The following WDFY3 variants were observed in gnomAD, a reference collection of about 807,000 sequenced individuals.
WDFY3 encodes the protein WD repeat and FYVE domain containing 3.
A neutral mutation model predicts 409.6 loss-of-function variants in WDFY3; 66 were observed. That is an observed-to-expected ratio of 0.16 (90% confidence interval 0.13 to 0.20). The LOEUF is 0.20. Among genes scored for constraint, WDFY3 ranks in the 10% least tolerant of loss-of-function variants. The probability of loss-of-function intolerance (pLI) is 1.00; values close to 1 mark genes in which losing one functional copy is unlikely to be tolerated. For missense variants in WDFY3, 3,031 were observed against 4,298.1 expected (o/e 0.71, Z 8.24); for synonymous variants, 1,521 against 1,537.1 (o/e 0.99, Z 0.25).
In WDFY3 at chr4:84,885,161, T is replaced by G. The variant is rs972824667; in HGVS notation, c.-32+11750A>C. On this transcript the variant is annotated intron_variant, in intron 3 of 67. Coordinates refer to ENST00000295888, the MANE Select transcript of WDFY3 (RefSeq NM_014991.6). The stretch of plus-strand genomic sequence containing the variant: ...GATTACAGGCGTGCACCACCATGCC[T>G]GGCTAATTTTTTTTTGTATTTTTGT... Among the ~76,000 whole-genome samples, 3 of 151,968 alleles carry G rather than the reference T, an allele frequency of 2.0e-5. No individual in the cohort carries two copies. In the South Asian group the frequency reaches 6.2e-4, roughly 32 times the overall value.
At chr4:84,873,780 T>TG (rs1553999449) in intron 3 of WDFY3, among the ~76,000 whole-genome samples, 5 of 151,110 alleles carry the variant, frequency 3.3e-5, no homozygotes, top group African/African-American at 1.2e-4. Context: ...TGTGTTTTTT[T>TG]TTTGTTTGTT....
chr4:84,949,861 A>C (rs757684885), intron 1 of WDFY3, among the ~76,000 whole-genome samples: 1 of 152,232 alleles, frequency 6.6e-6, no homozygotes, highest in Non-Finnish European at 1.5e-5. Context: ...GAACTGCAGT[A>C]AGAACAAGTG....
At chr4:84,885,079 C>T (rs1449759212) in intron 3 of WDFY3, among the ~76,000 whole-genome samples, 1 of 152,138 alleles carries the variant, frequency 6.6e-6, no homozygotes, top group African/African-American at 2.4e-5. Context: ...CAGCTCACTG[C>T]ACCCTCCGCC....
At chr4:84,678,872 C>CT in intron 65 of WDFY3, 47 bp downstream of exon 65, 1 of 1,555,794 alleles carries the variant, frequency 6.4e-7, no homozygotes, top group East Asian at 2.3e-5. Context: ...CACCAACCCT[C>CT]ACACCACATA....
chr4:84,839,681 A>C (rs922590186), intron 6 of WDFY3, among the ~76,000 whole-genome samples: 3 of 152,018 alleles, frequency 2.0e-5, no homozygotes, highest in African/African-American at 7.2e-5. Context: ...AACATGGTGA[A>C]ACCCCGTCTC....
chr4:84,866,796 G>C (rs1761461279), intron 3 of WDFY3, among the ~76,000 whole-genome samples: 1 of 152,196 alleles, frequency 6.6e-6, no homozygotes, highest in South Asian at 2.1e-4. Context: ...TTCATTGCGT[G>C]TGCATTTTGT....
rs1265053510 is a variant in WDFY3 at position 84,964,605 on chromosome 4, T to C, written c.-226+1604A>G. Among the ~76,000 whole-genome samples the C allele has an allele frequency of 2.0e-5, 3 of 152,392 alleles. No individual in the cohort carries two copies. The East Asian group carries it at 5.8e-4, about 29-fold the overall frequency. On this transcript the variant is annotated intron_variant, in intron 1 of 67. Transcript: ENST00000295888. ...TTGAAATATACTGTCATTTACTTTT[T>C]CAAAAACAGATTATGCAAGAGTAGA...
intron 3 of WDFY3, among the ~76,000 whole-genome samples, chr4:84,896,366 T>A (rs1247243668): frequency 6.6e-6 from 1 of 151,854 alleles, no homozygotes; most frequent in Admixed American, 6.6e-5. Flanking sequence ...AAATAACACA[T>A]CCAACACAAG....
At chr4:84,715,407 A>G in intron 49 of WDFY3, 24 bp from the exon 50 acceptor site, 1 of 1,304,188 alleles carries the variant, frequency 7.7e-7, no homozygotes, top group Non-Finnish European at 1.1e-6. Context: ...AGAGAAAAAC[A>G]TTAAGAAAAA....
chr4:84,863,980 T>C (rs1381923266), intron 3 of WDFY3, among the ~76,000 whole-genome samples: 1 of 152,196 alleles, frequency 6.6e-6, no homozygotes, highest in African/African-American at 2.4e-5. Context: ...AATGACACTT[T>C]CAGTTTTTTT....
intron 3 of WDFY3, among the ~76,000 whole-genome samples, chr4:84,875,792 A>G (rs902777501): frequency 1.3e-5 from 2 of 152,186 alleles, no homozygotes; most frequent in Non-Finnish European, 2.9e-5. Flanking sequence ...AAGATTATCA[A>G]TATCACTGTC....
In WDFY3 at chr4:84,900,322, C is replaced by T. The variant is rs1766184019; in HGVS notation, c.-131-3312G>A. 3.3e-5 allele frequency among the ~76,000 whole-genome samples: 5 copies of T among 152,064 alleles called. No homozygotes were observed. The South Asian group carries it at 1.0e-3, about 31-fold the overall frequency. On this transcript the variant is annotated intron_variant, in intron 2 of 67. Transcript: ENST00000295888. ...CTCACTGCACCCTCGAACTACTGGA[C>T]TCAAGCAATCCTCTTGCCTTAGCCT...
chr4:84,675,228 T>A (rs1266130911), intron 67 of WDFY3, among the ~76,000 whole-genome samples: 1 of 152,034 alleles, frequency 6.6e-6, no homozygotes, highest in Non-Finnish European at 1.5e-5. Flanking sequence ...AGTGCTGGCA[T>A]TACAGGCATG....
rs1316243604 is a variant in WDFY3, at chr4:84,733,327, G to A, written c.7221+55C>T. ...ACTAAATAGAGAAAAAACGCTTACA[G>A]AGGAAAATAAAAACTTGAAAGAGCC... On this transcript the variant is annotated intron_variant, in intron 44 of 67. Transcript: ENST00000295888. 9 of 1,565,196 alleles carry A rather than the reference G, an allele frequency of 5.8e-6. No individual in the cohort carries two copies. In the East Asian group the frequency reaches 1.6e-4, roughly 27 times the overall value.
chr4:84,771,239 G>C (rs577370041), intron 30 of WDFY3, among the ~76,000 whole-genome samples: 15 of 152,184 alleles, frequency 9.9e-5, no homozygotes, highest in Non-Finnish European at 1.9e-4. Context: ...TCAGGCTCAA[G>C]TGATCCTCCC....
intron 60 of WDFY3, among the ~76,000 whole-genome samples, chr4:84,691,251 G>A (rs565871771): frequency 5.9e-4 from 90 of 152,134 alleles, no homozygotes; most frequent in South Asian, 5.0e-3. Flanking sequence ...AGCTTGTTTG[G>A]AGCACTAAAA....
chr4:84,903,148 T>C (rs974397640), intron 2 of WDFY3, among the ~76,000 whole-genome samples: 2 of 152,172 alleles, frequency 1.3e-5, no homozygotes, highest in Non-Finnish European at 2.9e-5. Context: ...GTATCAGTAA[T>C]TTTTACAGTT....
chr4:84,869,735 A>G (rs1276503561), intron 3 of WDFY3, among the ~76,000 whole-genome samples: 1 of 152,224 alleles, frequency 6.6e-6, no homozygotes, highest in East Asian at 1.9e-4. Flanking sequence ...CCCTTCTAAC[A>G]AAGTATTAAT....
chr4:84,941,197 C>T (rs576681582), intron 1 of WDFY3, among the ~76,000 whole-genome samples: 1 of 151,966 alleles, frequency 6.6e-6, no homozygotes, highest in South Asian at 2.1e-4. Context: ...TTCCAGGCAG[C>T]ATGATTATAT....
Sources: gnomAD v4.1 joint callset for allele counts (sites outside exome capture counted in the v4.1 genomes callset) on GRCh38, gnomAD v4.1.1 for gene constraint, MANE v1.5 for transcripts, NCBI Gene and HGNC (gene_info 2026-07-23, HGNC 2026-07-21) for gene names.